UBE3C: variants seen among roughly 807,000 people sequenced by gnomAD.
The protein encoded by UBE3C is ubiquitin-protein ligase E3C.
A neutral mutation model predicts 129.4 loss-of-function variants in UBE3C; 42 were observed. The ratio of observed to expected loss-of-function variants is 0.32; its 90% CI spans 0.25 to 0.42. The LOEUF is 0.42. Ranked by LOEUF, UBE3C falls within the 10% of genes least tolerant of loss-of-function variation. The probability of loss-of-function intolerance (pLI) is 1.00; values close to 1 mark genes in which losing one functional copy is unlikely to be tolerated. For synonymous variants in UBE3C, 510 were observed against 492.4 expected (o/e 1.04, Z -0.47); for missense variants, 1,049 against 1,319.1 (o/e 0.80, Z 3.17).
chr7:157,176,041 G>C (rs1414485108), intron 5 of UBE3C, among the ~76,000 whole-genome samples: 3 of 152,138 alleles, frequency 2.0e-5, no homozygotes, highest in Admixed American at 2.0e-4. Flanking sequence ...TGGCCTGTGG[G>C]TTGTAGTTTG....
At chr7:157,237,615 G>T (rs1406785349) in intron 18 of UBE3C, among the ~76,000 whole-genome samples, 2 of 152,102 alleles carry the variant, frequency 1.3e-5, no homozygotes, top group African/African-American at 4.8e-5. Context: ...GATCAGTATG[G>T]TATTGAGACC....
intron 18 of UBE3C, among the ~76,000 whole-genome samples, chr7:157,239,511 CA>C (rs374605882): frequency 6.6e-5 from 10 of 152,104 alleles, no homozygotes; most frequent in Admixed American, 2.0e-4. Context: ...AGTGCTTTTC[CA>C]TAAGTGTGTT....
At chr7:157,181,890 G>C (rs1808675107) in intron 7 of UBE3C, among the ~76,000 whole-genome samples, 1 of 152,150 alleles carries the variant, frequency 6.6e-6, no homozygotes, top group Non-Finnish European at 1.5e-5. Flanking sequence ...GCTTTTCTAA[G>C]TAACTGTCAA....
At chr7:157,165,809 T>G (rs532685769) in intron 2 of UBE3C, among the ~76,000 whole-genome samples, 1 of 152,356 alleles carries the variant, frequency 6.6e-6, no homozygotes, top group African/African-American at 2.4e-5. Context: ...TTCTTGAACA[T>G]AATTATAGAT....
chr7:157,255,073 T>G (rs574808942), intron 21 of UBE3C, among the ~76,000 whole-genome samples: 4 of 151,968 alleles, frequency 2.6e-5, no homozygotes, highest in Admixed American at 6.6e-5. Flanking sequence ...TGAGCCGAGA[T>G]CATGCCACTG....
In UBE3C at chr7:157,148,731, C is replaced by CTTT. The variant is rs58138213; in HGVS notation, c.66+9409_66+9411dup. ...AATATTTTCTAAGATCAAATTAGTTCTTTTTTTTTTTTTTTTTTCCTTTAA... is the reference window on the plus strand; with the variant it reads ...AATATTTTCTAAGATCAAATTAGTTCTTTTTTTTTTTTTTTTTTTTTCCTTTAA... On this transcript the variant is annotated intron_variant, in intron 1 of 22. Transcript: ENST00000348165. Among the ~76,000 whole-genome samples the CTTT allele has an allele frequency of 2.7e-4, 35 of 131,768 alleles. 1 individual carries two copies. The Middle Eastern group carries it at 0.012, about 46-fold the overall frequency. 86.4% of individuals were successfully genotyped at this position (131,768 alleles called of 152,430 possible).
At chr7:157,259,850 A>G (rs1376893234) in intron 22 of UBE3C, among the ~76,000 whole-genome samples, 3 of 152,356 alleles carry the variant, frequency 2.0e-5, no homozygotes, top group Non-Finnish European at 2.9e-5. Flanking sequence ...TAGTAAGTCA[A>G]GTACACCTCA....
chr7:157,170,416 T>G lies in UBE3C; in HGVS notation c.308T>G (p.Phe103Cys), dbSNP rs760593131. The change falls in exon 4 of 23, where the codon TTT becomes TGT. Residue 103 changes from phenylalanine to cysteine, a missense_variant. Around this residue, in one of 4 missense-constraint regions of UBE3C, gnomAD observed 489 missense variants for 513.8 expected, o/e 0.95. Coordinates refer to ENST00000348165, the MANE Select transcript of UBE3C (RefSeq NM_014671.3). ...NLTLLVRQLLFFYKQNEDSKR... is the reference protein window; with the variant it reads ...NLTLLVRQLLCFYKQNEDSKR... ...ACCCTTTTGGTAAGGCAGCTTCTGTTTTTTTACAAACAAAATGAAGACTCA... is the reference window on the plus strand; with the variant it reads ...ACCCTTTTGGTAAGGCAGCTTCTGTGTTTTTACAAACAAAATGAAGACTCA... 4.5e-6 allele frequency: 7 copies of G among 1,566,668 alleles called. No homozygotes were observed. Among genetic ancestry groups the G allele is most frequent in the Non-Finnish European group, 6.0e-6 (7 of 1,159,730 alleles).
chr7:157,203,582 A>G (rs1809349470), intron 11 of UBE3C, among the ~76,000 whole-genome samples: 1 of 152,176 alleles, frequency 6.6e-6, no homozygotes, highest in Non-Finnish European at 1.5e-5. Flanking sequence ...ATAATTGCTT[A>G]TTTGTTTATG....
At chr7:157,152,900 G>A (rs936423095) in intron 1 of UBE3C, among the ~76,000 whole-genome samples, 6 of 152,216 alleles carry the variant, frequency 3.9e-5, no homozygotes, top group East Asian at 1.9e-4. Context: ...CAGCTTTAAC[G>A]TTGTTTAATT....
intron 22 of UBE3C, 109 bp from the exon 23 acceptor site, chr7:157,267,476 C>T: frequency 1.5e-6 from 2 of 1,312,822 alleles, no homozygotes; most frequent in Non-Finnish European, 2.1e-6. Flanking sequence ...AATGTGACTG[C>T]AATGGTAACT....
At chr7:157,203,043 C>G (rs1424739900) in intron 11 of UBE3C, among the ~76,000 whole-genome samples, 1 of 152,170 alleles carries the variant, frequency 6.6e-6, no homozygotes, top group Non-Finnish European at 1.5e-5. Context: ...CTTTTTCATG[C>G]AATATGTAGA....
At chr7:157,158,313 G>GC (rs940725065) in intron 1 of UBE3C, among the ~76,000 whole-genome samples, 6 of 152,154 alleles carry the variant, frequency 3.9e-5, no homozygotes, top group African/African-American at 1.4e-4. Context: ...TCTATTACAT[G>GC]CCAAATTCCA....
chr7:157,158,666 G>T (rs895064679), intron 1 of UBE3C, among the ~76,000 whole-genome samples: 1 of 152,158 alleles, frequency 6.6e-6, no homozygotes, highest in Admixed American at 6.5e-5. Context: ...GACAAACTTG[G>T]TTCTGTTCAC....
In UBE3C at chr7:157,231,184, C is replaced by T. The variant is rs780315185; in HGVS notation, c.2338C>T (p.Leu780=). 1.9e-6 allele frequency: 3 copies of T among 1,614,062 alleles called. No individual in the cohort carries two copies. The highest frequency in any genetic ancestry group is 2.5e-6 in the Non-Finnish European group (3 of 1,180,046). The change falls in exon 18 of 23, where the codon CTA becomes TTA. Residue 780 remains leucine, a synonymous_variant. Coordinates refer to ENST00000348165, the MANE Select transcript of UBE3C (RefSeq NM_014671.3). ...TATTTTCAGAGAGTTTTTAAATGAA[C>T]TACTGAAGTCAGGATTTAACCCCAA... ...GGIFREFLNE[L]LKSGFNPNQG... is the part of the protein sequence containing the mutation.
Position 157,245,357 on chromosome 7 carries a change from G to C in UBE3C, c.2482-3011G>C, listed in dbSNP as rs1796446073. Among the ~76,000 whole-genome samples, 2 of 152,182 alleles carry C rather than the reference G, an allele frequency of 1.3e-5. 1 individual carries two copies. Among genetic ancestry groups the C allele is most frequent in the South Asian group, 4.1e-4 (2 of 4,830 alleles). On this transcript the variant is annotated intron_variant, in intron 18 of 22. Coordinates refer to ENST00000348165, the MANE Select transcript of UBE3C (RefSeq NM_014671.3). ...TACTTTTAAAGTCCACTGTACAAAT[G>C]AGGGCTTTTCTTCAGCACCTGGAAT... is the stretch of plus-strand genomic sequence containing the variant.
intron 17 of UBE3C, among the ~76,000 whole-genome samples, chr7:157,227,384 G>A (rs1243102552): frequency 6.6e-6 from 1 of 152,044 alleles, no homozygotes. Context: ...TTACTTACCA[G>A]CAATTTAAAA....
At chr7:157,149,275 C>T (rs1414534019) in intron 1 of UBE3C, among the ~76,000 whole-genome samples, 3 of 152,040 alleles carry the variant, frequency 2.0e-5, no homozygotes, top group South Asian at 2.1e-4. Flanking sequence ...AGGCTGGTCT[C>T]GAATTCCTGA....
intron 13 of UBE3C, among the ~76,000 whole-genome samples, chr7:157,215,592 G>A (rs960359838): frequency 2.7e-5 from 4 of 149,192 alleles, no homozygotes; most frequent in Non-Finnish European, 4.4e-5. Flanking sequence ...TAATCTAGCC[G>A]GTGGGTATAT....
Sources: allele counts gnomAD v4.1 joint callset (sites outside exome capture counted in the v4.1 genomes callset), GRCh38; gene constraint gnomAD v4.1.1; regional missense constraint gnomAD v4.1.1; transcripts MANE v1.5; gene names NCBI Gene and HGNC (gene_info 2026-07-23, HGNC 2026-07-21).